CERS1: variants seen among roughly 807,000 people sequenced by gnomAD.
The protein encoded by CERS1 is ceramide synthase 1, also known as Embryonic growth/differentiation factor 1.
Under a neutral mutation model 35.7 loss-of-function variants are expected in CERS1, and 16 were observed. That is an observed-to-expected ratio of 0.45 (90% CI 0.30 to 0.68). CERS1 has a LOEUF of 0.68. Ranked by LOEUF, CERS1 falls within the 30% of genes least tolerant of loss-of-function variation. The pLI, the probability that CERS1 is intolerant of heterozygous loss-of-function variation, is 0.08. For synonymous variants in CERS1, 243 were observed against 201.6 expected (o/e 1.21, Z -1.74); for missense variants, 454 against 453.9 (o/e 1.00, Z 0.00).
At chr19:18,894,573 G>A (rs80011783) in intron 1 of CERS1, among the ~76,000 whole-genome samples, 16,270 of 152,098 alleles carry the variant, frequency 0.11, 963 homozygotes, top group Middle Eastern at 0.12. Flanking sequence ...CTCCTGTCCC[G>A]CAGGGGTGGG....
intron 2 of CERS1, 149 bp from the exon 3 acceptor site, chr19:18,884,416 T>TC: frequency 3.0e-6 from 2 of 671,762 alleles, no homozygotes; most frequent in Admixed American, 3.2e-5. Context: ...TTCCCAATTC[T>TC]ATTTTTTTTT....
At position 18,878,506 on chromosome 19, in the gene CERS1, C is replaced by T; in HGVS notation, c.1010+424G>A. 8.0e-6 allele frequency: 8 copies of T among 1,005,368 alleles called. No individual in the cohort carries two copies. Among genetic ancestry groups the T allele is most frequent in the Non-Finnish European group, 9.5e-6 (8 of 841,118 alleles). 62.3% of individuals were successfully genotyped at this position (1,005,368 alleles called of 1,614,324 possible). On this transcript the variant is annotated intron_variant, in intron 6 of 7. Coordinates refer to ENST00000623882, the MANE Select transcript of CERS1 (RefSeq NM_021267.5). This position sits in a 1 kb window ranked among gnomAD's most constrained non-coding sequence, Gnocchi z 4.6. ...TCGGCCCAGATGGAGCCTGGGTTCTCTCTGTGGCCCTTGGCGTTCCTTCCT... is the reference window on the plus strand; with the variant it reads ...TCGGCCCAGATGGAGCCTGGGTTCTTTCTGTGGCCCTTGGCGTTCCTTCCT...
At chr19:18,890,869 A>G (rs1201791666) in intron 2 of CERS1, among the ~76,000 whole-genome samples, 1 of 151,500 alleles carries the variant, frequency 6.6e-6, no homozygotes, top group Non-Finnish European at 1.5e-5. Context: ...CATGCCTGTA[A>G]TCCTGACACT....
In CERS1 at chr19:18,870,275, G is replaced by A; in HGVS notation, c.*302C>T. 6.5e-7 allele frequency: 1 copy of A among 1,549,776 alleles called. No individual in the cohort carries two copies. Among genetic ancestry groups the A allele is most frequent in the Non-Finnish European group, 8.7e-7 (1 of 1,149,068 alleles). ...GCAGGGCCAGGAGGAGGAGGAGGTGGTGGCCGCAGGGACCTTGCTGCGGCG... is the reference window on the plus strand; with the variant it reads ...GCAGGGCCAGGAGGAGGAGGAGGTGATGGCCGCAGGGACCTTGCTGCGGCG... On this transcript the variant is annotated 3_prime_UTR_variant, in exon 7 of 8. Transcript: ENST00000623882. This position sits in a 1 kb window ranked among gnomAD's most constrained non-coding sequence, Gnocchi z 5.1.
Position 18,868,549 on chromosome 19 carries a change from A to T in CERS1, c.*1436T>A. 7.0e-7 allele frequency: 1 copy of T among 1,427,382 alleles called. No individual in the cohort carries two copies. Among genetic ancestry groups the T allele is most frequent in the Non-Finnish European group, 9.6e-7 (1 of 1,038,062 alleles). The allele number at this position is 1,427,382 out of a possible 1,614,324, so 88.4% of individuals were successfully genotyped here. On this transcript the variant is annotated 3_prime_UTR_variant, in exon 8 of 8. Transcript: ENST00000623882. ...AGGAGTCCAAGGAGACCAGCGGAGC[A>T]GACCACGCGGCATTTATTGTTGGGC... is the stretch of plus-strand genomic sequence containing the variant.
intron 2 of CERS1, among the ~76,000 whole-genome samples, chr19:18,889,095 T>C (rs2056433318): frequency 6.6e-6 from 1 of 151,906 alleles, no homozygotes; most frequent in African/African-American, 2.4e-5. Context: ...TTTCACCATG[T>C]TGGCCAGGCT....
chr19:18,895,857 G>T lies in CERS1; in HGVS notation c.216C>A (p.Ala72=). Residue 72 remains alanine, a synonymous_variant, in exon 1 of 8, where the codon GCC becomes GCA. Transcript: ENST00000623882. This position sits in a 1 kb window ranked among gnomAD's most constrained non-coding sequence, Gnocchi z 6.4. ...GGCGCGCAGTGGCCGCGGAGCGCAG[G>T]GCGGTCCAGCCCAGCGCGCCGAGCG... ...LLALGALGWT[A]LRSAATARLF... is the part of the protein sequence containing the mutation. The T allele has an allele frequency of 7.7e-7, 1 of 1,296,478 alleles. No individual in the cohort carries two copies. Among genetic ancestry groups the T allele is most frequent in the Non-Finnish European group, 9.8e-7 (1 of 1,022,132 alleles). 80.3% of individuals were successfully genotyped at this position (1,296,478 alleles called of 1,614,324 possible). A position where few individuals can be genotyped will look rare whatever the true frequency, so the allele number is the denominator to read the frequency against.
intron 2 of CERS1, 66 bp from the exon 3 acceptor site, chr19:18,884,333 G>T: frequency 6.8e-7 from 1 of 1,475,024 alleles, no homozygotes; most frequent in South Asian, 1.3e-5. Context: ...TCCATGACCC[G>T]GTGACACCCT....
rs60266196 is a variant in CERS1 at position 18,876,536 on chromosome 19, T to TTGTGTGTGTGTGTGTGTG, written c.1010+2376_1010+2393dup. Among the ~76,000 whole-genome samples, 390 of 143,262 alleles carry TTGTGTGTGTGTGTGTGTG rather than the reference T, an allele frequency of 2.7e-3. 2 individuals are homozygous for TTGTGTGTGTGTGTGTGTG. The highest frequency in any genetic ancestry group is 9.6e-3 in the African/African-American group (372 of 38,664). The allele number at this position is 143,262 out of a possible 152,430, so 94.0% of individuals were successfully genotyped here. Reference sequence around the variant, plus strand: ...TTTGTTTTGTTTTGTTTTGATTGGGTTGTGTGTGTGTGTGTGTGTGTGTGT... The same window carrying TTGTGTGTGTGTGTGTGTG: ...TTTGTTTTGTTTTGTTTTGATTGGGTTGTGTGTGTGTGTGTGTGTGTGTGTGTGTGTGTGTGTGTGTGT... On this transcript the variant is annotated intron_variant, in intron 6 of 7. Coordinates refer to ENST00000623882, the MANE Select transcript of CERS1 (RefSeq NM_021267.5).
chr19:18,870,801 CCTT>C lies in CERS1; in HGVS notation c.1011-185_1011-183del, dbSNP rs1471536760. Among the ~76,000 whole-genome samples, 1 of 152,130 alleles carries C rather than the reference CCTT, an allele frequency of 6.6e-6. No homozygotes were observed. Among genetic ancestry groups the C allele is most frequent in the African/African-American group, 2.4e-5 (1 of 41,432 alleles). On this transcript the variant is annotated intron_variant, in intron 6 of 7. Coordinates refer to ENST00000623882, the MANE Select transcript of CERS1 (RefSeq NM_021267.5). This position sits in a 1 kb window ranked among gnomAD's most constrained non-coding sequence, Gnocchi z 5.1. Reference sequence around the variant, plus strand: ...CCCTCCTTGCCTTCACCCTGCCCCTCCTTCAACCTGCCCCGTAGGCACGTATGT... The same window carrying C: ...CCCTCCTTGCCTTCACCCTGCCCCTCCAACCTGCCCCGTAGGCACGTATGT...
In CERS1 at chr19:18,869,050, C is replaced by T; in HGVS notation, c.*935G>A. On this transcript the variant is annotated 3_prime_UTR_variant, in exon 8 of 8. Coordinates refer to ENST00000623882, the MANE Select transcript of CERS1 (RefSeq NM_021267.5). Reference sequence around the variant, plus strand: ...CCAGGCGCGCGCAGGCGGCAGGGGCCCGGGGGCGTAGCGCCAGCGCCAGGC... The same window carrying T: ...CCAGGCGCGCGCAGGCGGCAGGGGCTCGGGGGCGTAGCGCCAGCGCCAGGC... The T allele has an allele frequency of 9.4e-7, 1 of 1,065,382 alleles. No individual in the cohort carries two copies. The highest frequency in any genetic ancestry group is 1.1e-6 in the Non-Finnish European group (1 of 882,560). The allele number at this position is 1,065,382 out of a possible 1,614,324, so 66.0% of individuals were successfully genotyped here.
intron 2 of CERS1, 127 bp from the exon 3 acceptor site, chr19:18,884,394 G>T: frequency 2.6e-6 from 2 of 755,610 alleles, no homozygotes; most frequent in African/African-American, 1.8e-5. Flanking sequence ...GTGTCTGACT[G>T]CTGGCTTTCC....
At chr19:18,876,256 G>A (rs892436446) in intron 6 of CERS1, among the ~76,000 whole-genome samples, 1 of 152,216 alleles carries the variant, frequency 6.6e-6, no homozygotes, top group Non-Finnish European at 1.5e-5. Context: ...AAAGTGCTGG[G>A]ATTACAGGCG....
chr19:18,875,624 T>TTTC (rs1335392180), intron 6 of CERS1, among the ~76,000 whole-genome samples: 6 of 152,112 alleles, frequency 3.9e-5, no homozygotes, highest in African/African-American at 1.4e-4. Flanking sequence ...TGTGGAGAGC[T>TTTC]TTCTTTTATT....
At position 18,878,978 on chromosome 19, in the gene CERS1, C is replaced by T. The variant is rs745387497; in HGVS notation, c.962G>A (p.Arg321Gln). ...TGQVHELKDL[R>Q]EYDTAEAQSL... Reference sequence around the variant, plus strand: ...CTGGGCCTCGGCTGTGTCATACTCCCGCAGGTCCTTCAGCTCGTGCACCTG... The same window carrying T: ...CTGGGCCTCGGCTGTGTCATACTCCTGCAGGTCCTTCAGCTCGTGCACCTG... The change falls in exon 6 of 8, where the codon CGG becomes CAG. Residue 321 changes from arginine (R) to glutamine (Q), a missense_variant. Transcript: ENST00000623882. This position sits in a 1 kb window ranked among gnomAD's most constrained non-coding sequence, Gnocchi z 4.6. The T allele has an allele frequency of 1.1e-5, 18 of 1,613,700 alleles. No individual in the cohort carries two copies. The highest frequency in any genetic ancestry group is 1.3e-5 in the African/African-American group (1 of 74,912).
At chr19:18,888,026 G>C (rs975720288) in intron 2 of CERS1, among the ~76,000 whole-genome samples, 3 of 152,052 alleles carry the variant, frequency 2.0e-5, no homozygotes, top group Non-Finnish European at 4.4e-5. Flanking sequence ...TTTGTGATTG[G>C]CTAAAATGCC....
At chr19:18,873,013 G>C (rs1297902374) in intron 6 of CERS1, among the ~76,000 whole-genome samples, 1 of 152,216 alleles carries the variant, frequency 6.6e-6, no homozygotes, top group Non-Finnish European at 1.5e-5. Context: ...AAAAGAGCCA[G>C]AGCGAGTGTG....
In CERS1 at chr19:18,878,145, C is replaced by G; in HGVS notation, c.1010+785G>C. 1.0e-6 allele frequency: 1 copy of G among 985,550 alleles called. No individual in the cohort carries two copies. The highest frequency in any genetic ancestry group is 5.2e-4 in the Middle Eastern group (1 of 1,914). The allele number at this position is 985,550 out of a possible 1,614,324, so 61.1% of individuals were successfully genotyped here. A position where few individuals can be genotyped will look rare whatever the true frequency, so the allele number is the denominator to read the frequency against. On this transcript the variant is annotated intron_variant, in intron 6 of 7. Transcript: ENST00000623882. This position sits in a 1 kb window ranked among gnomAD's most constrained non-coding sequence, Gnocchi z 4.6. ...CACCGATGGCCCCCACCGGCCAAAT[C>G]AGAGGGCCTGGCTGGTCGGCACCTT...
chr19:18,896,924 C>CGG (rs34047779), upstream of CERS1, among the ~76,000 whole-genome samples: 11,404 of 130,462 alleles, frequency 0.087, 316 homozygotes, highest in Non-Finnish European at 0.11. The surrounding 1 kb of genome is among the most constrained non-coding windows in gnomAD (Gnocchi z 5.9). Flanking sequence ...CTGGGGAACC[C>CGG]GGGGGGGGGG....
Sources: allele counts gnomAD v4.1 joint callset (sites outside exome capture counted in the v4.1 genomes callset), GRCh38; gene constraint gnomAD v4.1.1; non-coding constraint Gnocchi (gnomAD v3.1); transcripts MANE v1.5; gene names NCBI Gene and HGNC (gene_info 2026-07-23, HGNC 2026-07-21).